The following ADRA1A variants were observed in gnomAD, a reference collection of about 807,000 sequenced individuals.
ADRA1A encodes the protein alpha-1A adrenergic receptor.
ADRA1A carries 31 observed loss-of-function variants against 29.6 expected under a neutral mutation model. The ratio of observed to expected loss-of-function variants is 1.05; its 90% CI spans 0.79 to 1.41. The LOEUF (loss-of-function observed/expected upper bound fraction) is 1.41. Among genes scored for constraint, ADRA1A ranks in the 40% most tolerant of loss-of-function variants. ADRA1A has a pLI of 0.00. For missense variants in ADRA1A, 619 were observed against 601.1 expected, an observed-to-expected ratio of 1.03 and a Z score of -0.31; for synonymous variants, 311 against 254.3, an observed-to-expected ratio of 1.22 and a Z score of -2.12.
At chr8:26,752,117 A>G (rs181944709), downstream of ADRA1A, among the ~76,000 whole-genome samples, 37 of 152,232 alleles carry the variant, frequency 2.4e-4, 2 homozygotes, top group Middle Eastern at 0.01. Context: ...ATTCTAACAA[A>G]TCACTAGATA....
chr8:26,836,213 G>T (rs548822796), intron 2 of ADRA1A: 40 of 245,676 alleles, frequency 1.6e-4, no homozygotes, highest in African/African-American at 8.7e-4. Context: ...TCTTGATTTT[G>T]GTCTTCATGT....
At position 26,860,874 on chromosome 8, in the gene ADRA1A, C is replaced by A. The variant is rs1813402134; in HGVS notation, c.883+3213G>T. Among the ~76,000 whole-genome samples the A allele has an allele frequency of 6.6e-6, 1 of 152,170 alleles. No individual in the cohort carries two copies. Among genetic ancestry groups the A allele is most frequent in the Non-Finnish European group, 1.5e-5 (1 of 68,028 alleles). On this transcript the variant is annotated intron_variant, in intron 2 of 2. Coordinates refer to ENST00000380573, the MANE Select transcript of ADRA1A (RefSeq NM_000680.4). This position sits in a 1 kb window ranked among gnomAD's most constrained non-coding sequence, Gnocchi z 4.7. Reference sequence around the variant, plus strand: ...TAAATATCATGTCATATCCCCACCTCCCACCATTGAAAGCTCTCTCTATAC... The same window carrying A: ...TAAATATCATGTCATATCCCCACCTACCACCATTGAAAGCTCTCTCTATAC...
intron 2 of ADRA1A, chr8:26,859,204 C>G (rs1248094991): frequency 7.8e-7 from 1 of 1,281,208 alleles, no homozygotes; most frequent in African/African-American, 1.5e-5. Context: ...GAATGTATGT[C>G]CCTTGAATAT....
intron 2 of ADRA1A, among the ~76,000 whole-genome samples, chr8:26,813,357 G>T (rs547873862): frequency 6.6e-6 from 1 of 152,132 alleles, no homozygotes; most frequent in Admixed American, 6.5e-5. Context: ...GTATCCTTTT[G>T]TTTTTTCTTT....
At chr8:26,822,023 G>T (rs1205529969) in intron 2 of ADRA1A, among the ~76,000 whole-genome samples, 4 of 152,116 alleles carry the variant, frequency 2.6e-5, no homozygotes, top group Non-Finnish European at 5.9e-5. Flanking sequence ...CCAGTTTGGG[G>T]CTATTACAAA....
downstream of ADRA1A, among the ~76,000 whole-genome samples, chr8:26,755,326 G>A (rs1431396682): frequency 6.6e-6 from 1 of 152,116 alleles, no homozygotes; most frequent in Non-Finnish European, 1.5e-5. Context: ...ACTCTGTCAG[G>A]AAAGCCTTGG....
chr8:26,780,624 A>T (rs1806902364), intron 2 of ADRA1A, among the ~76,000 whole-genome samples: 1 of 152,176 alleles, frequency 6.6e-6, no homozygotes, highest in African/African-American at 2.4e-5. Context: ...TTTTCTTTAT[A>T]GCAGGGAAAC....
intron 2 of ADRA1A, among the ~76,000 whole-genome samples, chr8:26,803,919 C>CTTTTTTTTTTT (rs34314160): frequency 2.1e-5 from 2 of 95,228 alleles, no homozygotes; most frequent in African/African-American, 4.4e-5. Context: ...TGGAAGTTTC[C>CTTTTTTTTTTT]TTTTTTTTTT....
chr8:26,835,218 T>G (rs1462989799), intron 2 of ADRA1A, among the ~76,000 whole-genome samples: 2 of 152,202 alleles, frequency 1.3e-5, no homozygotes, highest in Non-Finnish European at 2.9e-5. Context: ...TGCCTTGTGA[T>G]CTAAGTAACA....
rs1812418942 is a variant in ADRA1A at position 26,848,984 on chromosome 8, T to C, written c.883+15103A>G. On this transcript the variant is annotated intron_variant, in intron 2 of 2. Coordinates refer to ENST00000380573, the MANE Select transcript of ADRA1A (RefSeq NM_000680.4). The surrounding 1 kb of genome is among the most constrained non-coding windows in gnomAD (Gnocchi z 4.3). ...TCTGATATCCCCATGAAAAGGAGCC[T>C]GCACACAGGCAGTGAATTCCAGACG... Among the ~76,000 whole-genome samples the C allele has an allele frequency of 6.6e-6, 1 of 152,198 alleles. No individual in the cohort carries two copies. The highest frequency in any genetic ancestry group is 1.5e-5 in the Non-Finnish European group (1 of 68,024).
intron 2 of ADRA1A, among the ~76,000 whole-genome samples, chr8:26,801,854 CT>C (rs1390355540): frequency 1.3e-5 from 2 of 152,106 alleles, no homozygotes; most frequent in Non-Finnish European, 2.9e-5. Flanking sequence ...TACTATAGAG[CT>C]ATGGTAACCA....
At chr8:26,770,808 T>A in intron 2 of ADRA1A, 142 bp from the exon 3 acceptor site, 2 of 1,215,554 alleles carry the variant, frequency 1.6e-6, no homozygotes, top group Non-Finnish European at 2.2e-6. Flanking sequence ...CACATTTGAC[T>A]GACTAGCTCC....
At chr8:26,752,562 TG>T (rs1318856394), downstream of ADRA1A, among the ~76,000 whole-genome samples, 1 of 152,238 alleles carries the variant, frequency 6.6e-6, no homozygotes, top group Admixed American at 6.5e-5. Context: ...TTTTTCAGGC[TG>T]CTTTTTGTTA....
At chr8:26,814,250 T>C (rs1338733282) in intron 2 of ADRA1A, among the ~76,000 whole-genome samples, 2 of 152,130 alleles carry the variant, frequency 1.3e-5, no homozygotes, top group African/African-American at 2.4e-5. Flanking sequence ...TTTTCATTTA[T>C]TTATGTTTCT....
rs12680021 is a variant in ADRA1A at position 26,775,211 on chromosome 8, C to A, written c.884-4545G>T. Among the ~76,000 whole-genome samples the A allele has an allele frequency of 0.057, 8,743 of 152,250 alleles. 502 individuals carry two copies. Among genetic ancestry groups the A allele is most frequent in the East Asian group, 0.33 (1,698 of 5,158 alleles). On this transcript the variant is annotated intron_variant, in intron 2 of 2. Transcript: ENST00000380573. This position sits in a 1 kb window ranked among gnomAD's most constrained non-coding sequence, Gnocchi z 4.1. ...TCTGACAGACGGATGGACTGACTGA[C>A]TGAATGAATGAATGGCTGTGTCTCT...
intron 2 of ADRA1A, among the ~76,000 whole-genome samples, chr8:26,853,077 GTTTAA>G (rs1266933778): frequency 2.0e-5 from 3 of 152,002 alleles, no homozygotes; most frequent in Non-Finnish European, 2.9e-5. Context: ...TAAAGCAAAT[GTTTAA>G]TTTAACAAAA....
chr8:26,764,576 C>T (rs61759720), downstream of ADRA1A, among the ~76,000 whole-genome samples: 2,946 of 152,258 alleles, frequency 0.019, 99 homozygotes, highest in African/African-American at 0.065. Flanking sequence ...AAAAAGGAGT[C>T]GGAGGCTGGA....
chr8:26,864,911 G>A lies in ADRA1A; in HGVS notation c.59C>T (p.Pro20Leu), dbSNP rs771422009. The A allele has an allele frequency of 1.2e-6, 2 of 1,613,630 alleles. No homozygotes were observed. Among genetic ancestry groups the A allele is most frequent in the Non-Finnish European group, 1.7e-6 (2 of 1,180,014 alleles). The change falls in exon 2 of 3, where the codon CCG (proline) becomes CTG (leucine). Residue 20 changes from proline to leucine, a missense_variant. Pro to Leu is a moderately conservative substitution (Grantham distance 98). Transcript: ENST00000380573. This position sits in a 1 kb window ranked among gnomAD's most constrained non-coding sequence, Gnocchi z 8.1. ...DSSNCTQPPA[P>L]VNISKAILLG... ...CAGAATGGCCTTGGAAATGTTCACCGGTGCCGGCGGTTGGGTGCAGTTGGA... is the reference window on the plus strand; with the variant it reads ...CAGAATGGCCTTGGAAATGTTCACCAGTGCCGGCGGTTGGGTGCAGTTGGA...
intron 2 of ADRA1A, among the ~76,000 whole-genome samples, chr8:26,772,733 A>T (rs1208115462): frequency 1.3e-5 from 2 of 152,210 alleles, no homozygotes; most frequent in Non-Finnish European, 2.9e-5. Context: ...CAAAAAGCTC[A>T]TCAATATAAA....
Sources: gnomAD v4.1 joint callset for allele counts (sites outside exome capture counted in the v4.1 genomes callset) on GRCh38, gnomAD v4.1.1 for gene constraint, Gnocchi (gnomAD v3.1) non-coding constraint, MANE v1.5 for transcripts, NCBI Gene and HGNC (gene_info 2026-07-23, HGNC 2026-07-21) for gene names.